The following RPSA2 variants were observed in gnomAD, a reference collection of about 807,000 sequenced individuals.
RPSA2 encodes the protein ribosomal protein SA 2.
the RPSA2 span, among the ~76,000 whole-genome samples, chr19:23,775,948 C>G: frequency 6.6e-6 from 1 of 152,146 alleles, no homozygotes; most frequent in South Asian, 2.1e-4. Context: ...CACTTCTGCC[C>G]AGCACCTTAG....
At chr19:23,777,388 C>A in the RPSA2 span, among the ~76,000 whole-genome samples, 17 of 152,190 alleles carry the variant, frequency 1.1e-4, no homozygotes, top group Admixed American at 4.6e-4. Context: ...TTTCATTCAT[C>A]ACCCAGGTGG....
At chr19:23,863,199 A>G in the RPSA2 span, among the ~76,000 whole-genome samples, 1 of 152,200 alleles carries the variant, frequency 6.6e-6, no homozygotes, top group South Asian at 2.1e-4. Flanking sequence ...AAACTTGGCT[A>G]AGAAATGCTT....
At chr19:23,862,874 A>G in the RPSA2 span, among the ~76,000 whole-genome samples, 110 of 147,864 alleles carry the variant, frequency 7.4e-4, 1 homozygote, top group African/African-American at 2.5e-3. Flanking sequence ...TTACATCTAC[A>G]TCTCTTTTTC....
chr19:23,798,061 A>AT, the RPSA2 span, among the ~76,000 whole-genome samples: 3,559 of 149,638 alleles, frequency 0.024, 159 homozygotes, highest in African/African-American at 0.079. Flanking sequence ...TTATGTATTT[A>AT]TTTTTTTTTT....
the RPSA2 span, among the ~76,000 whole-genome samples, chr19:23,761,308 G>A: frequency 2.6e-4 from 40 of 151,968 alleles, no homozygotes; most frequent in Admixed American, 2.6e-3. Context: ...TTGAACCCCT[G>A]GGCTTAAGCA....
the RPSA2 span, among the ~76,000 whole-genome samples, chr19:23,812,248 A>G: frequency 6.6e-6 from 1 of 152,150 alleles, no homozygotes; most frequent in South Asian, 2.1e-4. Context: ...CTTTAAGTTA[A>G]TGTGGGGTTT....
At chr19:23,790,904 G>A in the RPSA2 span, 2 of 471,678 alleles carry the variant, frequency 4.2e-6, no homozygotes, top group Non-Finnish European at 7.6e-6. Context: ...TCCTTGCCCA[G>A]GTTGGCATCC....
chr19:23,849,583 G>A, the RPSA2 span, among the ~76,000 whole-genome samples: 3 of 152,062 alleles, frequency 2.0e-5, no homozygotes, highest in Non-Finnish European at 2.9e-5. Context: ...TATCATACGA[G>A]GCCTCAGGTG....
At chr19:23,765,811 T>C in the RPSA2 span, among the ~76,000 whole-genome samples, 1 of 152,214 alleles carries the variant, frequency 6.6e-6, no homozygotes, top group African/African-American at 2.4e-5. Context: ...AATAATTCCC[T>C]GATAGCGTTT....
At chr19:23,833,139 C>G in the RPSA2 span, 1 of 1,206,590 alleles carries the variant, frequency 8.3e-7, no homozygotes, top group Non-Finnish European at 1.1e-6. Flanking sequence ...TAAAACCCTA[C>G]AAATGGGAAG....
chr19:23,832,191 T>C, the RPSA2 span: 1 of 429,022 alleles, frequency 2.3e-6, no homozygotes, highest in Non-Finnish European at 4.7e-6. Flanking sequence ...TAACTAGATA[T>C]AAGAGGATGC....
At chr19:23,850,438 G>A in the RPSA2 span, among the ~76,000 whole-genome samples, 1 of 101,176 alleles carries the variant, frequency 9.9e-6, no homozygotes, top group Non-Finnish European at 2.2e-5. Context: ...ATTAGTTAGA[G>A]GGGTCTCCAT....
the RPSA2 span, chr19:23,831,449 A>G: frequency 6.6e-6 from 1 of 152,272 alleles, no homozygotes; most frequent in Non-Finnish European, 1.5e-5. Flanking sequence ...TTACATTTAT[A>G]TATCTATAAA....
At chr19:23,846,348 T>C in the RPSA2 span, among the ~76,000 whole-genome samples, 2 of 152,182 alleles carry the variant, frequency 1.3e-5, no homozygotes, top group African/African-American at 2.4e-5. Flanking sequence ...GTTACTGTCA[T>C]AATGTTAATT....
chr19:23,834,552 A>G, the RPSA2 span, among the ~76,000 whole-genome samples: 148,765 of 152,094 alleles, frequency 0.98, 72,848 homozygotes, highest in Middle Eastern at 1. Flanking sequence ...ATACTCTTCT[A>G]CATTATTATG....
the RPSA2 span, among the ~76,000 whole-genome samples, chr19:23,815,172 A>G: frequency 1.3e-5 from 2 of 152,206 alleles, no homozygotes; most frequent in Non-Finnish European, 2.9e-5. Flanking sequence ...AAAACTTAGT[A>G]TGTGTCCTAA....
the RPSA2 span, chr19:23,827,625 G>A: frequency 3.4e-5 from 54 of 1,593,566 alleles, no homozygotes; most frequent in South Asian, 2.2e-5. Context: ...TCTCCTCTGC[G>A]CTATGTGGAC....
At chr19:23,839,700 C>T in the RPSA2 span, among the ~76,000 whole-genome samples, 4 of 152,214 alleles carry the variant, frequency 2.6e-5, no homozygotes, top group Admixed American at 1.3e-4. Flanking sequence ...CCCCTTGCTT[C>T]TCTGTCCTCC....
the RPSA2 span, among the ~76,000 whole-genome samples, chr19:23,833,914 G>A: frequency 6.6e-6 from 1 of 152,068 alleles, no homozygotes; most frequent in African/African-American, 2.4e-5. Context: ...CAACATCAGT[G>A]AGTTTATATT....
Sources: allele counts gnomAD v4.1 joint callset (sites outside exome capture counted in the v4.1 genomes callset), GRCh38; gene constraint gnomAD v4.1.1; transcripts MANE v1.5; gene names NCBI Gene and HGNC (gene_info 2026-07-23, HGNC 2026-07-21).